EPB41L5: variants seen among roughly 807,000 people sequenced by gnomAD.
EPB41L5 encodes the protein erythrocyte membrane protein band 4.1 like 5, also known as band 4.1-like protein 5.
In EPB41L5, 55 loss-of-function variants were observed where a neutral mutation model predicts 106.6. The observed-to-expected ratio is 0.52, with a 90% confidence interval of 0.42 to 0.65. The LOEUF (loss-of-function observed/expected upper bound fraction) is 0.65, where lower values mean the gene tolerates loss of function less well. Among genes scored for constraint, EPB41L5 ranks in the 30% least tolerant of loss-of-function variants. The probability of loss-of-function intolerance (pLI) is 0.00; values close to 1 mark genes in which losing one functional copy is unlikely to be tolerated. For synonymous variants in EPB41L5, 297 were observed against 306.7 expected (o/e 0.97, Z 0.33); for missense variants, 871 against 882.1 (o/e 0.99, Z 0.16).
In EPB41L5 at chr2:120,087,225, A is replaced by G. The variant is rs149657675; in HGVS notation, c.858A>G (p.Val286=). Residue 286 remains valine, a synonymous_variant, in exon 11 of 25, where the codon GTA becomes GTG. Coordinates refer to ENST00000263713, the MANE Select transcript of EPB41L5 (RefSeq NM_020909.4). The stretch of plus-strand genomic sequence containing the variant: ...AGAATAAATTAACCTTGGTGGTTGT[A>G]GAAGATGATGATCAGGTAGGAATAA... ...FKKNKLTLVV[V]EDDDQGKEQE... The G allele has an allele frequency of 2.8e-5, 44 of 1,574,418 alleles. No individual in the cohort carries two copies. In the African/African-American group the frequency reaches 5.1e-4, roughly 18 times the overall value.
intron 13 of EPB41L5, 150 bp downstream of exon 13, chr2:120,091,811 G>A: frequency 1.6e-6 from 1 of 619,904 alleles, no homozygotes; most frequent in Non-Finnish European, 2.9e-6. Context: ...AATTTCATGG[G>A]ATACACAGAG....
At chr2:120,163,885 G>A (rs1377859234) in intron 21 of EPB41L5, among the ~76,000 whole-genome samples, 1 of 151,686 alleles carries the variant, frequency 6.6e-6, no homozygotes, top group Admixed American at 6.6e-5. Flanking sequence ...CCAGCATTTT[G>A]GGGCTGCGGT....
Position 120,154,932 on chromosome 2 carries a change from A to G in EPB41L5, c.1794-5949A>G, listed in dbSNP as rs565967355. ...CAGAGCAAGACTCCATATCAAAACA[A>G]AAAAAAAATTGCATATGTACACATT... On this transcript the variant is annotated intron_variant, in intron 20 of 24. Transcript: ENST00000263713. Among the ~76,000 whole-genome samples, 4 of 151,632 alleles carry G rather than the reference A, an allele frequency of 2.6e-5. No individual in the cohort carries two copies. In the South Asian group the frequency reaches 6.3e-4, roughly 24 times the overall value.
At chr2:120,114,255 C>G (rs1453091364) in intron 16 of EPB41L5, among the ~76,000 whole-genome samples, 2 of 152,178 alleles carry the variant, frequency 1.3e-5, no homozygotes, top group East Asian at 1.9e-4. Context: ...AGAGAAGTAT[C>G]TACAGACAGT....
In EPB41L5 at chr2:120,100,718, C is replaced by T. The variant is rs1574667724; in HGVS notation, c.1241C>T (p.Ala414Val). 2.5e-6 allele frequency: 4 copies of T among 1,613,866 alleles called. No individual in the cohort carries two copies. Among genetic ancestry groups the T allele is most frequent in the East Asian group, 2.2e-5 (1 of 44,856 alleles). Reference sequence around the variant, plus strand: ...CCAAAGGCTTGGGGGATGAGATCTGCTCTGCCTGTGAGTCCTTCCATTTCC... The same window carrying T: ...CCAAAGGCTTGGGGGATGAGATCTGTTCTGCCTGTGAGTCCTTCCATTTCC... ...GSQQAWGMRSALPVSPSISSA... is the reference protein window; with the variant it reads ...GSQQAWGMRSVLPVSPSISSA... The change falls in exon 16 of 25, where the codon GCT (alanine) becomes GTT (valine). Residue 414 changes from alanine (A) to valine (V), a missense_variant. By Grantham distance (64) the Ala-to-Val change is moderately conservative. Transcript: ENST00000263713.
chr2:120,063,928 G>A (rs552530778), intron 3 of EPB41L5, among the ~76,000 whole-genome samples: 23 of 151,722 alleles, frequency 1.5e-4, no homozygotes, highest in East Asian at 9.7e-4. Context: ...GGTGACGAGA[G>A]TGAAACTCCA....
chr2:120,083,409 G>T (rs1297894788), intron 10 of EPB41L5, among the ~76,000 whole-genome samples: 1 of 152,078 alleles, frequency 6.6e-6, no homozygotes, highest in Non-Finnish European at 1.5e-5. Context: ...ATGTAGTTGA[G>T]TGGTTTTGAG....
At chr2:120,119,901 A>C (rs1685133625) in intron 16 of EPB41L5, among the ~76,000 whole-genome samples, 1 of 152,226 alleles carries the variant, frequency 6.6e-6, no homozygotes, top group Non-Finnish European at 1.5e-5. Flanking sequence ...ATAATAAATT[A>C]TATTAAGCTC....
In EPB41L5 at chr2:120,074,181, A is replaced by G; in HGVS notation, c.407+3A>G. On this transcript the variant is annotated splice_donor_region_variant and intron_variant, in intron 5 of 24. Transcript: ENST00000263713. Reference sequence around the variant, plus strand: ...AACCTTCGTGAGGAGCTAACCCGGTAAGAACACCATCTAGAATTGTGCCAG... The same window carrying G: ...AACCTTCGTGAGGAGCTAACCCGGTGAGAACACCATCTAGAATTGTGCCAG... 2 of 1,605,124 alleles carry G rather than the reference A, an allele frequency of 1.2e-6. No homozygotes were observed. The highest frequency in any genetic ancestry group is 1.7e-6 in the Non-Finnish European group (2 of 1,173,464).
chr2:120,104,035 C>A, intron 16 of EPB41L5: 1 of 1,507,564 alleles, frequency 6.6e-7, no homozygotes, highest in Non-Finnish European at 8.8e-7. Flanking sequence ...TAACTGTGCT[C>A]CCCTCCCACT....
intron 17 of EPB41L5, among the ~76,000 whole-genome samples, chr2:120,128,256 A>AACACACACACACACACAC (rs3084679): frequency 0.015 from 2,243 of 145,362 alleles, 50 homozygotes; most frequent in African/African-American, 0.047. Flanking sequence ...GGTGCTTTAA[A>AACACACACACACACACAC]ACACACACAC....
At chr2:120,121,266 C>T (rs913749095) in intron 16 of EPB41L5, among the ~76,000 whole-genome samples, 3 of 152,170 alleles carry the variant, frequency 2.0e-5, no homozygotes, top group Admixed American at 1.3e-4. Context: ...ATGTTTGATA[C>T]GTAGGTATAC....
intron 14 of EPB41L5, among the ~76,000 whole-genome samples, chr2:120,096,131 C>G (rs762921707): frequency 6.6e-6 from 1 of 152,088 alleles, no homozygotes; most frequent in East Asian, 1.9e-4. Context: ...TGTCTGTACT[C>G]TTATATGGCA....
chr2:120,168,648 G>A (rs1687527935), intron 24 of EPB41L5, among the ~76,000 whole-genome samples: 1 of 152,098 alleles, frequency 6.6e-6, no homozygotes, highest in South Asian at 2.1e-4. Context: ...TGAAAATGTG[G>A]GTCGGTTGAA....
At chr2:120,042,246 C>G (rs948075675) in intron 3 of EPB41L5, 136 bp downstream of exon 3, 9 of 542,740 alleles carry the variant, frequency 1.7e-5, no homozygotes, top group South Asian at 5.9e-5. Context: ...TCCCTCCCCC[C>G]ACCTCCTTGC....
In EPB41L5 at chr2:120,043,461, C is replaced by T. The variant is rs76037506; in HGVS notation, c.285+1351C>T. Reference sequence around the variant, plus strand: ...ACTCAGGAGGCTAAGGTGGGAGAATCGCTTGAACCCGGGAGGCAGAGGTTG... The same window carrying T: ...ACTCAGGAGGCTAAGGTGGGAGAATTGCTTGAACCCGGGAGGCAGAGGTTG... On this transcript the variant is annotated intron_variant, in intron 3 of 24. Coordinates refer to ENST00000263713, the MANE Select transcript of EPB41L5 (RefSeq NM_020909.4). Among the ~76,000 whole-genome samples, 431 of 151,996 alleles carry T rather than the reference C, an allele frequency of 2.8e-3. 11 individuals carry two copies. The East Asian group carries it at 0.075, about 26-fold the overall frequency.
At chr2:120,108,696 T>G (rs1401569028) in intron 16 of EPB41L5, among the ~76,000 whole-genome samples, 2 of 152,202 alleles carry the variant, frequency 1.3e-5, no homozygotes, top group South Asian at 2.1e-4. Flanking sequence ...GAGTTTCTTA[T>G]TACAAAACTG....
chr2:120,079,476 T>G (rs1682489524), intron 10 of EPB41L5, among the ~76,000 whole-genome samples: 1 of 152,146 alleles, frequency 6.6e-6, no homozygotes, highest in Non-Finnish European at 1.5e-5. Context: ...TTCCCCTCTT[T>G]ACTGAGAGTT....
At chr2:120,024,090 G>A (rs1030532689) in intron 2 of EPB41L5, among the ~76,000 whole-genome samples, 12 of 152,124 alleles carry the variant, frequency 7.9e-5, no homozygotes, top group Admixed American at 4.6e-4. Flanking sequence ...GAGACAGTGG[G>A]GTTTTCTAGA....
Sources: gnomAD v4.1 joint callset for allele counts (sites outside exome capture counted in the v4.1 genomes callset) on GRCh38, gnomAD v4.1.1 for gene constraint, MANE v1.5 for transcripts, NCBI Gene and HGNC (gene_info 2026-07-23, HGNC 2026-07-21) for gene names.